The following COL22A1 variants were observed in gnomAD, a reference collection of about 807,000 sequenced individuals.
The protein encoded by COL22A1 is collagen type XXII alpha 1 chain.
Under a neutral mutation model 248.9 loss-of-function variants are expected in COL22A1, and 221 were observed. The observed-to-expected ratio is 0.89, with a 90% CI of 0.80 to 0.99. The LOEUF is 0.99. Ranked by LOEUF, COL22A1 falls within the 50% of genes least tolerant of loss-of-function variation. The pLI is 0.00. For missense variants in COL22A1, 2,240 were observed against 2,179.0 expected, an observed-to-expected ratio of 1.03 and a Z score of -0.56; for synonymous variants, 891 against 793.4, an observed-to-expected ratio of 1.12 and a Z score of -2.07.
At chr8:138,765,214 C>A (rs1014475670) in intron 16 of COL22A1, among the ~76,000 whole-genome samples, 1 of 152,184 alleles carries the variant, frequency 6.6e-6, no homozygotes, top group African/African-American at 2.4e-5. Flanking sequence ...CCTGTCCTTT[C>A]GTCCTTGGTC....
chr8:138,718,135 G>A (rs908371134), intron 27 of COL22A1, among the ~76,000 whole-genome samples: 9 of 151,856 alleles, frequency 5.9e-5, no homozygotes, highest in African/African-American at 1.9e-4. Context: ...AAAAAAAGAA[G>A]TAATTAAAAG....
intron 31 of COL22A1, among the ~76,000 whole-genome samples, chr8:138,701,755 C>T (rs920542491): frequency 1.3e-5 from 2 of 152,208 alleles, no homozygotes; most frequent in Non-Finnish European, 2.9e-5. Context: ...GTTCAAGCTG[C>T]TAGTGAATGT....
At chr8:138,653,721 G>C (rs1439265244) in intron 45 of COL22A1, among the ~76,000 whole-genome samples, 4 of 152,132 alleles carry the variant, frequency 2.6e-5, no homozygotes, top group Non-Finnish European at 5.9e-5. Context: ...CTGGGGCAGA[G>C]ACAAATGTTC....
rs188163974 is a variant in COL22A1, at chr8:138,755,074, C to T, written c.2031+83G>A. Reference sequence around the variant, plus strand: ...GCGCTTGAGATAATGCCATGCTCAGCGCCGGGAATGACTCTGATCTTCCAA... The same window carrying T: ...GCGCTTGAGATAATGCCATGCTCAGTGCCGGGAATGACTCTGATCTTCCAA... On this transcript the variant is annotated intron_variant, in intron 21 of 64. Transcript: ENST00000303045. 2.3e-5 allele frequency: 32 copies of T among 1,382,810 alleles called. No individual in the cohort carries two copies. The East Asian group carries it at 2.3e-4, about 10-fold the overall frequency. 85.7% of individuals were successfully genotyped at this position (1,382,810 alleles called of 1,614,324 possible). A position where few individuals can be genotyped will look rare whatever the true frequency, so the allele number is the denominator to read the frequency against.
At chr8:138,656,238 T>C (rs1410212706) in intron 44 of COL22A1, among the ~76,000 whole-genome samples, 1 of 151,682 alleles carries the variant, frequency 6.6e-6, no homozygotes, top group East Asian at 1.9e-4. Context: ...CTTTCCCTCT[T>C]CCCCCCGACC....
At chr8:138,834,838 T>C (rs970691558) in intron 4 of COL22A1, among the ~76,000 whole-genome samples, 10 of 152,204 alleles carry the variant, frequency 6.6e-5, no homozygotes, top group Non-Finnish European at 1.5e-4. Context: ...GTAGATGTTT[T>C]TGAGAGCTTC....
intron 1 of COL22A1, among the ~76,000 whole-genome samples, chr8:138,892,152 TG>T (rs1410236317): frequency 6.6e-6 from 1 of 152,212 alleles, no homozygotes; most frequent in Non-Finnish European, 1.5e-5. Context: ...TCTCATAGAA[TG>T]AGTTAAGAAG....
intron 23 of COL22A1, among the ~76,000 whole-genome samples, chr8:138,733,826 A>G (rs1830889660): frequency 6.6e-6 from 1 of 152,162 alleles, no homozygotes; most frequent in African/African-American, 2.4e-5. Context: ...ACCTAGAGAT[A>G]GCAAAGGACT....
chr8:138,836,680 T>C (rs1820458075), intron 4 of COL22A1, among the ~76,000 whole-genome samples: 1 of 152,240 alleles, frequency 6.6e-6, no homozygotes, highest in Non-Finnish European at 1.5e-5. Flanking sequence ...TAAACTGGGA[T>C]AATGGGTACA....
At chr8:138,893,657 G>T (rs949856937) in intron 1 of COL22A1, among the ~76,000 whole-genome samples, 7 of 152,204 alleles carry the variant, frequency 4.6e-5, no homozygotes, top group African/African-American at 1.7e-4. Context: ...CTATCAAGGG[G>T]AGATGTGTTC....
At chr8:138,753,311 A>C (rs1056962483) in intron 21 of COL22A1, among the ~76,000 whole-genome samples, 1 of 152,192 alleles carries the variant, frequency 6.6e-6, no homozygotes, top group African/African-American at 2.4e-5. Context: ...TCGACTAAAG[A>C]ATCTTATAGT....
chr8:138,720,064 T>C (rs1829753252), intron 27 of COL22A1, among the ~76,000 whole-genome samples: 1 of 152,186 alleles, frequency 6.6e-6, no homozygotes, highest in Non-Finnish European at 1.5e-5. Flanking sequence ...CAGTCACTCC[T>C]GGAGGGGGCC....
intron 39 of COL22A1, among the ~76,000 whole-genome samples, chr8:138,684,121 G>A (rs148644110): frequency 3.3e-5 from 5 of 152,006 alleles, no homozygotes; most frequent in East Asian, 1.9e-4. Flanking sequence ...AAAATTAGTC[G>A]GGCATGGTGG....
intron 35 of COL22A1, among the ~76,000 whole-genome samples, chr8:138,693,301 C>A (rs1177061443): frequency 6.6e-6 from 1 of 152,060 alleles, no homozygotes; most frequent in Admixed American, 6.5e-5. Flanking sequence ...GATGTGTGTT[C>A]TCTGGTTTGT....
Position 138,866,911 on chromosome 8 carries a change from C to A in COL22A1, c.658+10839G>T, listed in dbSNP as rs112260572. On this transcript the variant is annotated intron_variant, in intron 3 of 64. Coordinates refer to ENST00000303045, the MANE Select transcript of COL22A1 (RefSeq NM_152888.3). The stretch of plus-strand genomic sequence containing the variant: ...TACATGGAAGGGAAGAGAAGAGAGA[C>A]CCTCTAAGAGGAGCCACACCACTCA... 1.8e-3 allele frequency among the ~76,000 whole-genome samples: 281 copies of A among 152,262 alleles called. 1 individual carries two copies. The highest frequency in any genetic ancestry group is 6.4e-3 in the African/African-American group (268 of 41,558).
At chr8:138,780,857 C>T (rs1814904149) in intron 13 of COL22A1, 70 bp downstream of exon 13, 16 of 1,312,504 alleles carry the variant, frequency 1.2e-5, no homozygotes, top group Middle Eastern at 2.0e-4. Flanking sequence ...CTTAAGGACA[C>T]GGGGTTCTGA....
intron 16 of COL22A1, among the ~76,000 whole-genome samples, chr8:138,764,783 AC>A (rs1833785490): frequency 6.6e-6 from 1 of 152,076 alleles, no homozygotes; most frequent in Non-Finnish European, 1.5e-5. Context: ...ACATGGTGAA[AC>A]CCCATCTCTA....
At chr8:138,612,730 C>A (rs1362550372) in intron 56 of COL22A1, among the ~76,000 whole-genome samples, 1 of 151,642 alleles carries the variant, frequency 6.6e-6, no homozygotes, top group Non-Finnish European at 1.5e-5. Context: ...AGTTCGAAAC[C>A]AGCCTGGCCA....
intron 4 of COL22A1, among the ~76,000 whole-genome samples, chr8:138,841,559 A>G (rs772590804): frequency 1.1e-4 from 17 of 152,152 alleles, no homozygotes; most frequent in Non-Finnish European, 2.4e-4. Flanking sequence ...GGGGGCTAGC[A>G]AGCATTCCAA....
Sources: allele counts gnomAD v4.1 joint callset (sites outside exome capture counted in the v4.1 genomes callset), GRCh38; gene constraint gnomAD v4.1.1; transcripts MANE v1.5; gene names NCBI Gene and HGNC (gene_info 2026-07-23, HGNC 2026-07-21).